CALCOCO2: variants seen among roughly 807,000 people sequenced by gnomAD.
CALCOCO2 encodes calcium-binding and coiled-coil domain-containing protein 2.
Under a neutral mutation model 62.5 loss-of-function variants are expected in CALCOCO2, and 42 were observed. The ratio of observed to expected loss-of-function variants is 0.67; its 90% CI spans 0.53 to 0.87. The LOEUF (loss-of-function observed/expected upper bound fraction) is 0.87. Among genes scored for constraint, CALCOCO2 ranks in the 40% least tolerant of loss-of-function variants. The pLI, the probability that CALCOCO2 is intolerant of heterozygous loss-of-function variation, is 0.00. For missense variants in CALCOCO2, 456 were observed against 515.0 expected, an observed-to-expected ratio of 0.89 and a Z score of 1.11; for synonymous variants, 167 against 173.0, an observed-to-expected ratio of 0.97 and a Z score of 0.27.
chr17:48,839,873 C>A (rs956812062), intron 1 of CALCOCO2, among the ~76,000 whole-genome samples: 7 of 151,172 alleles, frequency 4.6e-5, no homozygotes, highest in African/African-American at 1.7e-4. Context: ...TGGGGTTTCT[C>A]CATCTTGGTC....
rs1476125843 is a variant in CALCOCO2 at position 48,851,414 on chromosome 17, A to G, written c.633-145A>G. 4 of 638,352 alleles carry G rather than the reference A, an allele frequency of 6.3e-6. No homozygotes were observed. In the East Asian group the frequency reaches 1.1e-4, roughly 17 times the overall value. 39.5% of individuals were successfully genotyped at this position (638,352 alleles called of 1,614,324 possible). A position where few individuals can be genotyped will look rare whatever the true frequency, so the allele number is the denominator to read the frequency against. On this transcript the variant is annotated intron_variant, in intron 6 of 12. Transcript: ENST00000258947. ...TACTTGCAGTTTTTTGGAGTCAGGA[A>G]GCCAAAACAGGACTGCAATGGAGAC... is the stretch of plus-strand genomic sequence containing the variant.
At chr17:48,854,477 C>G (rs1347696462) in intron 9 of CALCOCO2, among the ~76,000 whole-genome samples, 1 of 118,072 alleles carries the variant, frequency 8.5e-6, no homozygotes, top group Non-Finnish European at 1.6e-5. Flanking sequence ...CTGATCTCAG[C>G]TCACTGCGAC....
chr17:48,845,131 A>C (rs1037631060), intron 2 of CALCOCO2, among the ~76,000 whole-genome samples: 1 of 148,468 alleles, frequency 6.7e-6, no homozygotes, highest in Non-Finnish European at 1.5e-5. Flanking sequence ...GCAAGACTCC[A>C]TCTCAAAAAA....
rs1347374685 is a variant in CALCOCO2, at chr17:48,862,946, A to T, written c.1282A>T (p.Ile428Phe). 6.2e-7 allele frequency: 1 copy of T among 1,613,874 alleles called. No individual in the cohort carries two copies. The highest frequency in any genetic ancestry group is 1.7e-5 in the Admixed American group (1 of 60,022). The change falls in exon 13 of 13, where the codon ATC (isoleucine) becomes TTC (phenylalanine). Residue 428 changes from isoleucine to phenylalanine, a missense_variant. Physicochemically the swap from Ile to Phe is conservative, Grantham distance 21. This residue lies in a region of CALCOCO2 where 172 missense variants were observed against 210.3 expected (regional missense o/e 0.82). Transcript: ENST00000258947. Reference protein sequence around the residue: ...LCFNCPICDKIFPATEKQIFE... With the variant: ...LCFNCPICDKFFPATEKQIFE... The stretch of plus-strand genomic sequence containing the variant: ...TTTCAATTGTCCAATTTGTGACAAG[A>T]TCTTCCCAGCTACAGAGAAGCAGAT...
intron 12 of CALCOCO2, among the ~76,000 whole-genome samples, 178 bp downstream of exon 12, chr17:48,862,482 A>G (rs376990452): frequency 1.3e-5 from 2 of 152,238 alleles, no homozygotes; most frequent in African/African-American, 4.8e-5. Flanking sequence ...AGATGAAAGC[A>G]CAGTTCATCC....
chr17:48,856,144 A>G lies in CALCOCO2; in HGVS notation c.965A>G (p.Asn322Ser), dbSNP rs2040212134. 1 of 1,605,764 alleles carries G rather than the reference A, an allele frequency of 6.2e-7. No homozygotes were observed. The highest frequency in any genetic ancestry group is 8.5e-7 in the Non-Finnish European group (1 of 1,173,328). The change falls in exon 10 of 13, where the codon AAT becomes AGT. Residue 322 changes from asparagine to serine, a missense_variant. Around this residue, in one of 3 missense-constraint regions of CALCOCO2, gnomAD observed 172 missense variants for 210.3 expected, o/e 0.82. Transcript: ENST00000258947. ...KRLSENEIICNALQRQKERLE... is the reference protein window; with the variant it reads ...KRLSENEIICSALQRQKERLE... ...CTGAGTGAGAACGAAATTATATGTAATGCTCTGCAGAGACAGAAAGAGAGA... is the reference window on the plus strand; with the variant it reads ...CTGAGTGAGAACGAAATTATATGTAGTGCTCTGCAGAGACAGAAAGAGAGA...
At position 48,848,495 on chromosome 17, in the gene CALCOCO2, C is replaced by T. The variant is rs199818139; in HGVS notation, c.417+40C>T. The T allele has an allele frequency of 6.9e-4, 1,087 of 1,579,938 alleles. 2 individuals are homozygous for T. Among genetic ancestry groups the T allele is most frequent in the Admixed American group, 6.2e-4 (37 of 59,750 alleles). Reference sequence around the variant, plus strand: ...TCACCTCAATCCCTTACTGCCATTACGGGTAGCAATATAGGATAGGATGGA... The same window carrying T: ...TCACCTCAATCCCTTACTGCCATTATGGGTAGCAATATAGGATAGGATGGA... On this transcript the variant is annotated intron_variant, in intron 4 of 12. Coordinates refer to ENST00000258947, the MANE Select transcript of CALCOCO2 (RefSeq NM_005831.5).
At chr17:48,836,730 C>T (rs1003106675) in intron 1 of CALCOCO2, among the ~76,000 whole-genome samples, 8 of 147,784 alleles carry the variant, frequency 5.4e-5, no homozygotes, top group African/African-American at 1.2e-4. Context: ...TGGAGGCCAG[C>T]GTATGAGGGG....
rs1041026263 is a variant in CALCOCO2, at chr17:48,862,815, G to A, written c.1174-23G>A. 8 of 1,609,436 alleles carry A rather than the reference G, an allele frequency of 5.0e-6. No homozygotes were observed. The African/African-American group carries it at 9.4e-5, about 19-fold the overall frequency. On this transcript the variant is annotated intron_variant, in intron 12 of 12. Coordinates refer to ENST00000258947, the MANE Select transcript of CALCOCO2 (RefSeq NM_005831.5). Reference sequence around the variant, plus strand: ...GCCACATATAGCTTACATTTGTACTGACCTCTTTGCTCTTCCTCCCAGCTC... The same window carrying A: ...GCCACATATAGCTTACATTTGTACTAACCTCTTTGCTCTTCCTCCCAGCTC...
At chr17:48,855,649 C>A (rs1268370245) in intron 9 of CALCOCO2, among the ~76,000 whole-genome samples, 1 of 152,078 alleles carries the variant, frequency 6.6e-6, no homozygotes, top group Admixed American at 6.6e-5. Context: ...GCCGAGATGC[C>A]TATTCTCACA....
rs181803452 is a variant in CALCOCO2, at chr17:48,847,201, C to G, written c.181-863C>G. ...TCATAATCTAAGAACCCTGTTCTCCCTCTGCCCCCAACACAGACATTATGA... is the reference window on the plus strand; with the variant it reads ...TCATAATCTAAGAACCCTGTTCTCCGTCTGCCCCCAACACAGACATTATGA... On this transcript the variant is annotated intron_variant, in intron 2 of 12. Coordinates refer to ENST00000258947, the MANE Select transcript of CALCOCO2 (RefSeq NM_005831.5). Among the ~76,000 whole-genome samples the G allele has an allele frequency of 2.0e-5, 3 of 152,192 alleles. No individual in the cohort carries two copies. In the East Asian group the frequency reaches 5.8e-4, roughly 29 times the overall value.
chr17:48,857,999 G>GAATAA (rs1393205818), intron 10 of CALCOCO2, among the ~76,000 whole-genome samples: 6 of 19,772 alleles, frequency 3.0e-4, no homozygotes, highest in Non-Finnish European at 7.8e-4. Flanking sequence ...GAATAGAATA[G>GAATAA]AATAGAATAG....
At chr17:48,837,245 ACT>A (rs756453646) in intron 1 of CALCOCO2, among the ~76,000 whole-genome samples, 1 of 152,018 alleles carries the variant, frequency 6.6e-6, no homozygotes, top group Non-Finnish European at 1.5e-5. Context: ...CTCCCTGCCC[ACT>A]CTCTCATAGC....
intron 9 of CALCOCO2, among the ~76,000 whole-genome samples, chr17:48,854,266 A>G (rs1392861673): frequency 7.6e-6 from 1 of 131,650 alleles, no homozygotes; most frequent in Non-Finnish European, 1.6e-5. Flanking sequence ...CAGTGAGCTG[A>G]GATCGCGCCA....
At chr17:48,840,320 G>C (rs2039959664) in intron 1 of CALCOCO2, among the ~76,000 whole-genome samples, 1 of 151,906 alleles carries the variant, frequency 6.6e-6, no homozygotes. Flanking sequence ...CTGTAGAGAT[G>C]GGGTTTTGCC....
intron 4 of CALCOCO2, chr17:48,848,792 C>T (rs1203838804): frequency 2.0e-6 from 1 of 503,412 alleles, no homozygotes; most frequent in Non-Finnish European, 3.9e-6. Context: ...ATATTCTTAT[C>T]TCTTTCAGTT....
At position 48,849,255 on chromosome 17, in the gene CALCOCO2, GA is replaced by G; in HGVS notation, c.422del (p.Glu141GlyfsTer19). ...EDILVVTTQG[E>X]VEEIEQHNKE... ...TTTATGGAATGTTCTTTTGTAGGGA[GA>G]GGTGGAAGAGATTGAGCAGCACAAC... On this transcript the variant is annotated frameshift_variant, in exon 5 of 13. Coordinates refer to ENST00000258947, the MANE Select transcript of CALCOCO2 (RefSeq NM_005831.5). LOFTEE classifies it high-confidence loss of function. 1 of 1,613,680 alleles carries G rather than the reference GA, an allele frequency of 6.2e-7. No individual in the cohort carries two copies. Among genetic ancestry groups the G allele is most frequent in the Non-Finnish European group, 8.5e-7 (1 of 1,179,708 alleles).
At chr17:48,852,326 A>ACCTC in intron 7 of CALCOCO2, 180 bp from the exon 8 acceptor site, 1 of 562,526 alleles carries the variant, frequency 1.8e-6, no homozygotes, top group South Asian at 2.3e-5. Flanking sequence ...AACTGCTCTC[A>ACCTC]TTTTTAGGAA....
At chr17:48,855,323 G>A (rs2040199298) in intron 9 of CALCOCO2, among the ~76,000 whole-genome samples, 1 of 152,184 alleles carries the variant, frequency 6.6e-6, no homozygotes, top group East Asian at 1.9e-4. Context: ...GGGAAGCAAG[G>A]AGCCTGCAGT....
Sources: allele counts gnomAD v4.1 joint callset (sites outside exome capture counted in the v4.1 genomes callset), GRCh38; gene constraint gnomAD v4.1.1; regional missense constraint gnomAD v4.1.1; transcripts MANE v1.5; gene names NCBI Gene and HGNC (gene_info 2026-07-23, HGNC 2026-07-21).